The following CHCHD6 variants were observed in gnomAD, a reference collection of about 807,000 sequenced individuals.
The protein encoded by CHCHD6 is coiled-coil-helix-coiled-coil-helix domain containing 6, also known as MICOS complex subunit MIC25.
A neutral mutation model predicts 32.3 loss-of-function variants in CHCHD6; 28 were observed. The ratio of observed to expected loss-of-function variants is 0.87; its 90% CI spans 0.64 to 1.19. The LOEUF (loss-of-function observed/expected upper bound fraction) is 1.19, where lower values mean the gene tolerates loss of function less well. CHCHD6 is among the 50% of genes most tolerant of loss of function. The pLI, the probability that CHCHD6 is intolerant of heterozygous loss-of-function variation, is 0.00. For synonymous variants in CHCHD6, 122 were observed against 117.5 expected (o/e 1.04, Z -0.25); for missense variants, 333 against 307.0 (o/e 1.08, Z -0.63).
intron 6 of CHCHD6, among the ~76,000 whole-genome samples, chr3:126,948,142 C>T (rs1333212404): frequency 6.6e-6 from 1 of 152,246 alleles, no homozygotes; most frequent in Non-Finnish European, 1.5e-5. Flanking sequence ...TTCTGGGAAA[C>T]GGGTCCAACC....
At chr3:126,781,101 C>T (rs1481591902) in intron 4 of CHCHD6, among the ~76,000 whole-genome samples, 1 of 152,278 alleles carries the variant, frequency 6.6e-6, no homozygotes, top group East Asian at 1.9e-4. Flanking sequence ...ACAGCTTCCC[C>T]TGAGGCTGCC....
intron 4 of CHCHD6, among the ~76,000 whole-genome samples, chr3:126,806,590 A>C (rs1330938004): frequency 6.6e-6 from 1 of 152,182 alleles, no homozygotes; most frequent in Non-Finnish European, 1.5e-5. Flanking sequence ...ACACTTTTAC[A>C]CTGTTGGTGG....
intron 4 of CHCHD6, among the ~76,000 whole-genome samples, chr3:126,827,449 C>G (rs1940445186): frequency 6.6e-6 from 1 of 152,122 alleles, no homozygotes; most frequent in Admixed American, 6.5e-5. Flanking sequence ...CATGAGGTTG[C>G]CTTGGTGGAG....
At chr3:126,853,044 G>A (rs1416455218) in intron 5 of CHCHD6, among the ~76,000 whole-genome samples, 2 of 152,136 alleles carry the variant, frequency 1.3e-5, no homozygotes, top group African/African-American at 2.4e-5. Flanking sequence ...GCGGTGCTGA[G>A]TCCCAGTATA....
At chr3:126,837,665 A>G (rs1428494281) in intron 4 of CHCHD6, among the ~76,000 whole-genome samples, 3 of 152,224 alleles carry the variant, frequency 2.0e-5, no homozygotes, top group East Asian at 1.9e-4. Flanking sequence ...CTGGTAATAA[A>G]TGGTCACTGT....
chr3:126,763,723 A>G (rs968538503), intron 4 of CHCHD6, among the ~76,000 whole-genome samples: 4 of 152,216 alleles, frequency 2.6e-5, no homozygotes, highest in Non-Finnish European at 4.4e-5. Flanking sequence ...ATTTCTAACA[A>G]TCCAGTGGAA....
chr3:126,776,815 T>C (rs1189643125), intron 4 of CHCHD6, among the ~76,000 whole-genome samples: 1 of 152,094 alleles, frequency 6.6e-6, no homozygotes, highest in East Asian at 1.9e-4. Flanking sequence ...GGAATAATGG[T>C]TCATGTTATA....
At chr3:126,765,433 G>A (rs1218802873) in intron 4 of CHCHD6, among the ~76,000 whole-genome samples, 9 of 152,208 alleles carry the variant, frequency 5.9e-5, no homozygotes, top group Non-Finnish European at 4.4e-5. Flanking sequence ...GTGCTGACAC[G>A]CAAGGAAGGA....
chr3:126,863,444 C>T (rs1942048019), intron 5 of CHCHD6, among the ~76,000 whole-genome samples: 2 of 144,594 alleles, frequency 1.4e-5, no homozygotes, highest in South Asian at 2.3e-4. Context: ...ACCATCACCT[C>T]CTCCTCCCCC....
rs941523157 is a variant in CHCHD6 at position 126,707,769 on chromosome 3, A to G, written c.87+3370A>G. Among the ~76,000 whole-genome samples, 3 of 152,260 alleles carry G rather than the reference A, an allele frequency of 2.0e-5. No individual in the cohort carries two copies. The East Asian group carries it at 5.8e-4, about 29-fold the overall frequency. ...ACCACGGTGGAGGGGAAGATCAAGA[A>G]GAATGTGGTCAGACACACAAGAGAG... On this transcript the variant is annotated intron_variant, in intron 1 of 7. Transcript: ENST00000290913.
At chr3:126,898,784 C>A (rs1198234068) in intron 5 of CHCHD6, among the ~76,000 whole-genome samples, 1 of 152,182 alleles carries the variant, frequency 6.6e-6, no homozygotes, top group Non-Finnish European at 1.5e-5. Context: ...GATGATCTGC[C>A]CTCCTCGGCC....
intron 1 of CHCHD6, among the ~76,000 whole-genome samples, chr3:126,706,825 C>T (rs1934508871): frequency 6.6e-6 from 1 of 152,020 alleles, no homozygotes; most frequent in South Asian, 2.1e-4. Context: ...AAACAGTTGC[C>T]AAAGGGAACA....
chr3:126,832,210 C>G (rs1487548169), intron 4 of CHCHD6, among the ~76,000 whole-genome samples: 2 of 152,202 alleles, frequency 1.3e-5, no homozygotes, highest in African/African-American at 2.4e-5. Context: ...AAAACGAGGT[C>G]TCTCTGGCTG....
intron 4 of CHCHD6, among the ~76,000 whole-genome samples, chr3:126,773,899 C>T (rs1937590002): frequency 6.6e-6 from 1 of 152,114 alleles, no homozygotes; most frequent in South Asian, 2.1e-4. Context: ...AGCCACTGTG[C>T]CCAGCCTCTG....
intron 6 of CHCHD6, among the ~76,000 whole-genome samples, chr3:126,943,743 A>G (rs182131480): frequency 6.6e-6 from 1 of 152,112 alleles, no homozygotes; most frequent in Non-Finnish European, 1.5e-5. Context: ...AGGGTTTACC[A>G]CGGTGTTCTG....
At chr3:126,959,761 G>A (rs1027259075) in intron 7 of CHCHD6, among the ~76,000 whole-genome samples, 3 of 152,228 alleles carry the variant, frequency 2.0e-5, no homozygotes, top group Non-Finnish European at 4.4e-5. Context: ...CCCTGACTGT[G>A]CGGACCCCAG....
At chr3:126,767,947 A>G (rs1220131126) in intron 4 of CHCHD6, among the ~76,000 whole-genome samples, 2 of 152,300 alleles carry the variant, frequency 1.3e-5, no homozygotes, top group African/African-American at 2.4e-5. Flanking sequence ...TTATGTCTGC[A>G]TAGTATTCCA....
At chr3:126,830,578 A>G (rs1214408425) in intron 4 of CHCHD6, among the ~76,000 whole-genome samples, 1 of 152,056 alleles carries the variant, frequency 6.6e-6, no homozygotes, top group Non-Finnish European at 1.5e-5. Context: ...TGGGGTAGAA[A>G]CCTTCTTCCT....
chr3:126,749,253 G>A (rs1936628964), intron 4 of CHCHD6, among the ~76,000 whole-genome samples: 1 of 152,270 alleles, frequency 6.6e-6, no homozygotes. Context: ...TGGCAGAGTG[G>A]GCAAGAGCAG....
Sources: allele counts gnomAD v4.1 joint callset (sites outside exome capture counted in the v4.1 genomes callset), GRCh38; gene constraint gnomAD v4.1.1; transcripts MANE v1.5; gene names NCBI Gene and HGNC (gene_info 2026-07-23, HGNC 2026-07-21).